ADAMTS12: variants seen among roughly 807,000 people sequenced by gnomAD.
The protein encoded by ADAMTS12 is A disintegrin and metalloproteinase with thrombospondin motifs 12.
Under a neutral mutation model 167.8 loss-of-function variants are expected in ADAMTS12, and 118 were observed. That is an observed-to-expected ratio of 0.70 (90% CI 0.61 to 0.82). The LOEUF (loss-of-function observed/expected upper bound fraction) is 0.82. Among genes scored for constraint, ADAMTS12 ranks in the 40% least tolerant of loss-of-function variants. ADAMTS12 has a pLI of 0.00. For missense variants in ADAMTS12, 1,916 were observed against 1,998.8 expected, an observed-to-expected ratio of 0.96 and a Z score of 0.79; for synonymous variants, 704 against 716.9, an observed-to-expected ratio of 0.98 and a Z score of 0.29.
chr5:33,683,839 C>A lies in ADAMTS12; in HGVS notation c.831+20G>T. On this transcript the variant is annotated intron_variant, in intron 4 of 23. Transcript: ENST00000504830. Reference sequence around the variant, plus strand: ...ACATCTGTTCACTAGCTGCCCCAGCCCCCATGTAGTCTGGCATACCATGTT... The same window carrying A: ...ACATCTGTTCACTAGCTGCCCCAGCACCCATGTAGTCTGGCATACCATGTT... The A allele has an allele frequency of 7.0e-7, 1 of 1,436,350 alleles. No individual in the cohort carries two copies. Among genetic ancestry groups the A allele is most frequent in the Non-Finnish European group, 9.2e-7 (1 of 1,085,050 alleles). The allele number at this position is 1,436,350 out of a possible 1,614,324, so 89.0% of individuals were successfully genotyped here.
At chr5:33,597,890 A>G (rs1737984233) in intron 16 of ADAMTS12, among the ~76,000 whole-genome samples, 1 of 152,172 alleles carries the variant, frequency 6.6e-6, no homozygotes, top group Non-Finnish European at 1.5e-5. Flanking sequence ...CAAATTCTTG[A>G]TGTCAAAACA....
intron 2 of ADAMTS12, among the ~76,000 whole-genome samples, chr5:33,827,503 C>T (rs1394433393): frequency 6.6e-6 from 1 of 152,062 alleles, no homozygotes. Context: ...GAATTGTAAG[C>T]TAATAAACAG....
At chr5:33,563,014 T>C (rs976631589) in intron 19 of ADAMTS12, among the ~76,000 whole-genome samples, 3 of 152,186 alleles carry the variant, frequency 2.0e-5, no homozygotes, top group Non-Finnish European at 4.4e-5. Context: ...AGTTCTTAGG[T>C]AGATAATCTG....
In ADAMTS12 at chr5:33,842,006, A is replaced by C. The variant is rs144749894; in HGVS notation, c.489+39113T>G. On this transcript the variant is annotated intron_variant, in intron 2 of 23. Coordinates refer to ENST00000504830, the MANE Select transcript of ADAMTS12 (RefSeq NM_030955.4). ...CTTACACCATCCCCTTTTTGACTTC[A>C]TGATCTCCCTGAACACCTGGACACC... is the stretch of plus-strand genomic sequence containing the variant. Among the ~76,000 whole-genome samples, 11 of 152,172 alleles carry C rather than the reference A, an allele frequency of 7.2e-5. No individual in the cohort carries two copies. The East Asian group carries it at 2.1e-3, about 29-fold the overall frequency.
chr5:33,641,633 A>G (rs562623111), intron 11 of ADAMTS12, among the ~76,000 whole-genome samples, 177 bp downstream of exon 11: 31 of 152,292 alleles, frequency 2.0e-4, no homozygotes, highest in African/African-American at 7.0e-4. Flanking sequence ...ACAACACAAA[A>G]CAGAACCACT....
At position 33,801,895 on chromosome 5, in the gene ADAMTS12, A is replaced by G. The variant is rs77253976; in HGVS notation, c.490-50347T>C. 6.5e-3 allele frequency among the ~76,000 whole-genome samples: 989 copies of G among 152,306 alleles called. 14 individuals are homozygous for G. Among genetic ancestry groups the G allele is most frequent in the African/African-American group, 0.023 (953 of 41,572 alleles). On this transcript the variant is annotated intron_variant, in intron 2 of 23. Coordinates refer to ENST00000504830, the MANE Select transcript of ADAMTS12 (RefSeq NM_030955.4). ...GTGGAGCTTTCAGTGGAAGATTGCTATGGTCTGAATGTTTATGTCCCTCCA... is the reference window on the plus strand; with the variant it reads ...GTGGAGCTTTCAGTGGAAGATTGCTGTGGTCTGAATGTTTATGTCCCTCCA...
intron 3 of ADAMTS12, among the ~76,000 whole-genome samples, chr5:33,743,558 A>G (rs1744674061): frequency 6.6e-6 from 1 of 152,154 alleles, no homozygotes; most frequent in African/African-American, 2.4e-5. Context: ...TCAGGCCTCC[A>G]TCTCTACATT....
At chr5:33,671,984 T>G (rs1436288900) in intron 5 of ADAMTS12, among the ~76,000 whole-genome samples, 2 of 120,662 alleles carry the variant, frequency 1.7e-5, no homozygotes, top group African/African-American at 6.5e-5. Context: ...CATACTCACA[T>G]ACACACACAC....
chr5:33,550,455 T>G (rs149051104), intron 20 of ADAMTS12, among the ~76,000 whole-genome samples: 4 of 152,288 alleles, frequency 2.6e-5, no homozygotes, highest in Admixed American at 6.5e-5. Context: ...GGTGGGGACC[T>G]GAGGTAGGTG....
At chr5:33,588,963 C>T (rs930879111) in intron 17 of ADAMTS12, among the ~76,000 whole-genome samples, 154 bp from the exon 18 acceptor site, 2 of 152,172 alleles carry the variant, frequency 1.3e-5, no homozygotes, top group East Asian at 3.9e-4. Flanking sequence ...CAGACAGGGC[C>T]ACCGTGTCTT....
chr5:33,619,726 C>T (rs1007410374), intron 14 of ADAMTS12, among the ~76,000 whole-genome samples: 6 of 152,154 alleles, frequency 3.9e-5, no homozygotes, highest in Admixed American at 1.3e-4. Flanking sequence ...GATGGAGTCT[C>T]GCTCTGTCAC....
At chr5:33,589,001 C>T (rs1280216700) in intron 17 of ADAMTS12, among the ~76,000 whole-genome samples, 192 bp from the exon 18 acceptor site, 2 of 152,246 alleles carry the variant, frequency 1.3e-5, no homozygotes, top group South Asian at 2.1e-4. Flanking sequence ...CTCTGCAGGG[C>T]GCCTGGCATG....
intron 3 of ADAMTS12, among the ~76,000 whole-genome samples, chr5:33,697,801 C>A (rs1333232934): frequency 6.6e-6 from 1 of 152,182 alleles, no homozygotes; most frequent in Non-Finnish European, 1.5e-5. Flanking sequence ...CGAACTGACC[C>A]CGGCCAATGG....
At chr5:33,633,021 C>T (rs1390032903) in intron 12 of ADAMTS12, among the ~76,000 whole-genome samples, 1 of 151,638 alleles carries the variant, frequency 6.6e-6, no homozygotes, top group Non-Finnish European at 1.5e-5. Context: ...CTACTCAGTG[C>T]ATCAAGTTGC....
At chr5:33,816,500 G>C (rs1237428190) in intron 2 of ADAMTS12, among the ~76,000 whole-genome samples, 1 of 152,088 alleles carries the variant, frequency 6.6e-6, no homozygotes, top group Non-Finnish European at 1.5e-5. Context: ...GCTAGCCTCT[G>C]TATCCCCAGT....
chr5:33,552,396 G>C (rs1203971816), intron 20 of ADAMTS12, among the ~76,000 whole-genome samples: 1 of 152,108 alleles, frequency 6.6e-6, no homozygotes, highest in Non-Finnish European at 1.5e-5. Context: ...ATTCAAAAGA[G>C]GATAAACTAG....
chr5:33,849,366 A>AATATATATATGTATTGCACAGCAAT (rs1749105495), intron 2 of ADAMTS12, among the ~76,000 whole-genome samples: 1 of 115,722 alleles, frequency 8.6e-6, no homozygotes. Context: ...ATTGAATAGC[A>AATATATATATGTATTGCACAGCAAT]ATATATATAT....
intron 21 of ADAMTS12, among the ~76,000 whole-genome samples, chr5:33,547,071 A>G (rs1452047040): frequency 6.6e-6 from 1 of 152,170 alleles, no homozygotes; most frequent in Non-Finnish European, 1.5e-5. Flanking sequence ...CAGCTTTGAG[A>G]ATCAACATCA....
At chr5:33,730,789 A>T (rs1051081166) in intron 3 of ADAMTS12, among the ~76,000 whole-genome samples, 5 of 152,238 alleles carry the variant, frequency 3.3e-5, no homozygotes, top group African/African-American at 1.2e-4. Context: ...CAACTGGACC[A>T]CAAAAGACAG....
Sources: gnomAD v4.1 joint callset for allele counts (sites outside exome capture counted in the v4.1 genomes callset) on GRCh38, gnomAD v4.1.1 for gene constraint, MANE v1.5 for transcripts, NCBI Gene and HGNC (gene_info 2026-07-23, HGNC 2026-07-21) for gene names.